The following GRIP1 variants were observed in gnomAD, a reference collection of about 807,000 sequenced individuals.
The protein encoded by GRIP1 is glutamate receptor interacting protein 1.
A neutral mutation model predicts 129.9 loss-of-function variants in GRIP1; 45 were observed. That is an observed-to-expected ratio of 0.35 (90% CI 0.27 to 0.44). The LOEUF (loss-of-function observed/expected upper bound fraction) is 0.44. Among genes scored for constraint, GRIP1 ranks in the 20% least tolerant of loss-of-function variants. GRIP1 has a pLI of 1.00. For missense variants in GRIP1, 1,196 were observed against 1,396.8 expected (o/e 0.86, Z 2.29); for synonymous variants, 530 against 520.8 (o/e 1.02, Z -0.24).
chr12:66,617,085 T>TGTGTGTGTG (rs370300223), intron 1 of GRIP1, among the ~76,000 whole-genome samples: 6,709 of 135,472 alleles, frequency 0.05, 317 homozygotes, highest in Non-Finnish European at 0.059. Flanking sequence ...AACAGACGTT[T>TGTGTGTGTG]TGTGTGTGTG....
intron 1 of GRIP1, among the ~76,000 whole-genome samples, chr12:66,814,639 T>TG (rs1213030928): frequency 6.7e-6 from 1 of 149,682 alleles, no homozygotes; most frequent in Non-Finnish European, 1.5e-5. Context: ...GCTTACATTC[T>TG]GGGGGGAGAA....
intron 1 of GRIP1, among the ~76,000 whole-genome samples, chr12:66,782,180 G>A (rs560457777): frequency 6.6e-6 from 1 of 152,176 alleles, no homozygotes; most frequent in Middle Eastern, 3.4e-3. Context: ...TAGAATCTGT[G>A]CACTTTTTAT....
At chr12:67,017,136 TG>T (rs2042799952) in intron 1 of GRIP1, among the ~76,000 whole-genome samples, 1 of 152,162 alleles carries the variant, frequency 6.6e-6, no homozygotes, top group African/African-American at 2.4e-5. Flanking sequence ...GACAGTTATT[TG>T]CACTCAAAAT....
chr12:66,992,918 C>T lies in GRIP1; in HGVS notation c.58+76132G>A, dbSNP rs140637286. ...GCTTCAGCTCAGGGGTTTGAGACCA[C>T]GCTGGGCAACATGGTGAAACCCTGT... On this transcript the variant is annotated intron_variant, in intron 1 of 1. Coordinates refer to the GRIP1 transcript ENST00000643019. 5.6e-3 allele frequency among the ~76,000 whole-genome samples: 849 copies of T among 152,146 alleles called. 5 individuals carry two copies. The highest frequency in any genetic ancestry group is 7.5e-3 in the Non-Finnish European group (513 of 67,976).
At chr12:66,642,161 A>G (rs1432263839) in intron 1 of GRIP1, among the ~76,000 whole-genome samples, 1 of 152,194 alleles carries the variant, frequency 6.6e-6, no homozygotes, top group Non-Finnish European at 1.5e-5. Flanking sequence ...AAGAGAAAAC[A>G]CAACAGGAAC....
chr12:66,827,856 T>G (rs999726908), intron 1 of GRIP1, among the ~76,000 whole-genome samples: 1 of 152,204 alleles, frequency 6.6e-6, no homozygotes, highest in Non-Finnish European at 1.5e-5. Context: ...AATAAATTCT[T>G]TTTCATAAAA....
chr12:67,025,664 C>G (rs563742153), intron 1 of GRIP1, among the ~76,000 whole-genome samples: 14 of 152,206 alleles, frequency 9.2e-5, no homozygotes, highest in South Asian at 4.1e-4. Context: ...TTCTCTCCCC[C>G]CAGGGTTTAA....
At chr12:66,867,113 C>G (rs1372511046) in intron 1 of GRIP1, among the ~76,000 whole-genome samples, 3 of 152,142 alleles carry the variant, frequency 2.0e-5, no homozygotes, top group East Asian at 1.9e-4. Context: ...TTCAGCTTCT[C>G]GAGTAGCTGA....
In GRIP1 at chr12:66,371,776, A is replaced by T; in HGVS notation, c.2930T>A (p.Val977Glu). The change falls in exon 23 of 25, where the codon GTG (valine) becomes GAG (glutamate). Residue 977 changes from valine to glutamate, a missense_variant. Transcript: ENST00000359742. ...TTRSNTLPSD[V>E]GRKSVTLRKM... ...TCTCAGGGTTACTGACTTCCTACCC[A>T]CATCTGAAGGCAGGGTGTTGCTCCG... 1 of 1,614,016 alleles carries T rather than the reference A, an allele frequency of 6.2e-7. No homozygotes were observed. The highest frequency in any genetic ancestry group is 8.5e-7 in the Non-Finnish European group (1 of 1,179,904).
chr12:66,560,100 A>T (rs1664449917), intron 2 of GRIP1, among the ~76,000 whole-genome samples: 1 of 152,150 alleles, frequency 6.6e-6, no homozygotes, highest in Admixed American at 6.6e-5. Flanking sequence ...TCATGCTGGG[A>T]AAACTAGATA....
At chr12:66,590,229 C>T (rs2139703800) in intron 2 of GRIP1, among the ~76,000 whole-genome samples, 2 of 152,204 alleles carry the variant, frequency 1.3e-5, no homozygotes, top group Middle Eastern at 6.8e-3. Context: ...AGCACAGTCA[C>T]CACAAAAAAA....
rs551198964 is a variant in GRIP1, at chr12:66,778,970, G to A, written c.-420+25083C>T. On this transcript the variant is annotated intron_variant, in intron 1 of 4. Coordinates refer to the GRIP1 transcript ENST00000538373. ...AAAATGTGAGGAAGAACTCTATCCCGTTAATGTGAGATTAAGAGAAGAACA... is the reference window on the plus strand; with the variant it reads ...AAAATGTGAGGAAGAACTCTATCCCATTAATGTGAGATTAAGAGAAGAACA... Among the ~76,000 whole-genome samples the A allele has an allele frequency of 7.6e-4, 115 of 152,238 alleles. 1 individual carries two copies. Among genetic ancestry groups the A allele is most frequent in the Non-Finnish European group, 1.2e-3 (84 of 68,010 alleles).
intron 1 of GRIP1, among the ~76,000 whole-genome samples, chr12:66,817,620 G>C (rs1163480098): frequency 2.0e-5 from 3 of 151,834 alleles, no homozygotes; most frequent in East Asian, 1.9e-4. Context: ...TGTTGGTCAG[G>C]CTGGCTGGTC....
intron 1 of GRIP1, among the ~76,000 whole-genome samples, chr12:66,665,698 G>A (rs1288895636): frequency 1.3e-5 from 2 of 152,112 alleles, no homozygotes; most frequent in African/African-American, 4.8e-5. Flanking sequence ...GTTGTTTCCA[G>A]TTTTGTGCTA....
At chr12:66,526,796 T>C (rs1430983928) in intron 5 of GRIP1, among the ~76,000 whole-genome samples, 1 of 151,970 alleles carries the variant, frequency 6.6e-6, no homozygotes, top group Non-Finnish European at 1.5e-5. Flanking sequence ...AAAGAGCTAA[T>C]ATCCAGAATC....
intron 2 of GRIP1, among the ~76,000 whole-genome samples, chr12:66,551,461 T>C (rs950064194): frequency 6.6e-6 from 1 of 152,182 alleles, no homozygotes; most frequent in South Asian, 2.1e-4. Context: ...TTGTTTCCAC[T>C]TAATAGAGAA....
intron 2 of GRIP1, among the ~76,000 whole-genome samples, chr12:66,552,187 G>A (rs182352975): frequency 6.6e-6 from 1 of 152,138 alleles, no homozygotes; most frequent in Non-Finnish European, 1.5e-5. Flanking sequence ...AGGTTCCATT[G>A]TGCCTGAAAG....
rs138322705 is a variant in GRIP1 at position 66,756,197 on chromosome 12, C to A, written c.-420+47856G>T. On this transcript the variant is annotated intron_variant, in intron 1 of 4. Coordinates refer to the GRIP1 transcript ENST00000538373. ...GAGCACCAAATCCCCATTTCCCCTC[C>A]CCCAGACCCTGGCAGCCACCAGTCT... Among the ~76,000 whole-genome samples, 451 of 152,274 alleles carry A rather than the reference C, an allele frequency of 3.0e-3. 4 individuals are homozygous for A. Among genetic ancestry groups the A allele is most frequent in the African/African-American group, 0.01 (431 of 41,560 alleles).
intron 11 of GRIP1, among the ~76,000 whole-genome samples, chr12:66,454,183 T>C (rs1270493543): frequency 6.6e-6 from 1 of 151,554 alleles, no homozygotes; most frequent in African/African-American, 2.4e-5. Flanking sequence ...CCAGTGTGGG[T>C]GATAGCTGGT....
Sources: gnomAD v4.1 joint callset for allele counts (sites outside exome capture counted in the v4.1 genomes callset) on GRCh38, gnomAD v4.1.1 for gene constraint, MANE v1.5 for transcripts, NCBI Gene and HGNC (gene_info 2026-07-23, HGNC 2026-07-21) for gene names.